Variants in HECW1 observed in about 807,000 individuals in gnomAD.
HECW1 encodes the protein E3 ubiquitin-protein ligase HECW1.
HECW1 carries 61 observed loss-of-function variants against 182.3 expected under a neutral mutation model. That is an observed-to-expected ratio of 0.33 (90% CI 0.27 to 0.41). The LOEUF is 0.41. Among genes scored for constraint, HECW1 ranks in the 10% least tolerant of loss-of-function variants. The pLI is 1.00. For missense variants in HECW1, 1,739 were observed against 2,108.9 expected, an observed-to-expected ratio of 0.82 and a Z score of 3.44; for synonymous variants, 859 against 832.6, an observed-to-expected ratio of 1.03 and a Z score of -0.55.
chr7:43,470,543 C>T (rs987514674), intron 16 of HECW1, among the ~76,000 whole-genome samples: 7 of 152,160 alleles, frequency 4.6e-5, no homozygotes, highest in Admixed American at 4.6e-4. Flanking sequence ...GGTCATCACA[C>T]CAGCAGGGAA....
intron 4 of HECW1, among the ~76,000 whole-genome samples, chr7:43,314,557 C>T (rs1197361057): frequency 3.9e-5 from 6 of 152,104 alleles, no homozygotes; most frequent in Admixed American, 2.6e-4. Context: ...TCAGGTATTA[C>T]GAAACTCCAT....
chr7:43,143,831 T>C (rs1467575092), intron 2 of HECW1, among the ~76,000 whole-genome samples: 2 of 152,158 alleles, frequency 1.3e-5, no homozygotes, highest in Non-Finnish European at 2.9e-5. Context: ...AAGACATTGA[T>C]TAAGTTAGAA....
chr7:43,300,342 CAGTT>C (rs940471377), intron 3 of HECW1, among the ~76,000 whole-genome samples: 4 of 152,098 alleles, frequency 2.6e-5, no homozygotes, highest in Non-Finnish European at 5.9e-5. Flanking sequence ...AACTGAGTGA[CAGTT>C]AGAGCTAGAA....
At chr7:43,518,370 C>T (rs1449864609) in intron 24 of HECW1, among the ~76,000 whole-genome samples, 2 of 152,024 alleles carry the variant, frequency 1.3e-5, no homozygotes, top group African/African-American at 4.8e-5. Context: ...GTGGCACATG[C>T]CTGTAATCCC....
intron 6 of HECW1, among the ~76,000 whole-genome samples, chr7:43,382,329 T>C (rs1227445560): frequency 2.0e-5 from 3 of 151,190 alleles, no homozygotes; most frequent in Non-Finnish European, 4.4e-5. Context: ...CAGAGGACTG[T>C]GGAAAGTGTG....
At chr7:43,416,132 G>C (rs963666580) in intron 8 of HECW1, among the ~76,000 whole-genome samples, 4 of 151,162 alleles carry the variant, frequency 2.6e-5, no homozygotes, top group African/African-American at 9.8e-5. Flanking sequence ...CAGTTTTTCT[G>C]TTCTGTTTTT....
chr7:43,445,504 G>A lies in HECW1; in HGVS notation c.2332G>A (p.Gly778Arg), dbSNP rs373326288. ...PWQDELAAPS[G>R]HVERSPEGLE... ...GCAAGACGAGCTGGCCGCCCCTAGC[G>A]GGCACGTGGAAAGAAGCCCGGAAGG... is the stretch of plus-strand genomic sequence containing the variant. The change falls in exon 11 of 30, where the codon GGG becomes AGG. Residue 778 changes from glycine to arginine, a missense_variant. Physicochemically the swap from Gly to Arg is moderately radical, Grantham distance 125. Transcript: ENST00000395891. 7.4e-6 allele frequency: 12 copies of A among 1,611,142 alleles called. No homozygotes were observed. Among genetic ancestry groups the A allele is most frequent in the East Asian group, 2.2e-5 (1 of 44,816 alleles).
intron 2 of HECW1, among the ~76,000 whole-genome samples, chr7:43,176,046 C>G (rs1386357945): frequency 6.6e-6 from 1 of 152,104 alleles, no homozygotes; most frequent in Non-Finnish European, 1.5e-5. Flanking sequence ...AAATGTTTAC[C>G]TATTTTGCAA....
Position 43,335,762 on chromosome 7 carries a change from TTTC to T in HECW1, c.460+15023_460+15025del, listed in dbSNP as rs1223386418. ...CTTCCTCCTTTCCTCTCTTTCTTTC[TTTC>T]TTTTTTCTTTCTTCCTTTCTTCCTT... On this transcript the variant is annotated intron_variant, in intron 5 of 29. Coordinates refer to ENST00000395891, the MANE Select transcript of HECW1 (RefSeq NM_015052.5). Among the ~76,000 whole-genome samples, 5 of 131,320 alleles carry T rather than the reference TTTC, an allele frequency of 3.8e-5. No homozygotes were observed. The South Asian group carries it at 1.0e-3, about 27-fold the overall frequency. The allele number at this position is 131,320 out of a possible 152,430, so 86.2% of individuals were successfully genotyped here.
At position 43,277,837 on chromosome 7, in the gene HECW1, A is replaced by G. The variant is rs117572560; in HGVS notation, c.27+33905A>G. On this transcript the variant is annotated intron_variant, in intron 3 of 29. Transcript: ENST00000395891. ...TTCCCCTGGCCCATTTTCAGCCCTC[A>G]TCTTCTGTGCTGGACACGGTTGACT... Among the ~76,000 whole-genome samples the G allele has an allele frequency of 1.7e-3, 262 of 152,248 alleles. 4 individuals are homozygous for G. The East Asian group carries it at 0.045, about 26-fold the overall frequency.
intron 2 of HECW1, among the ~76,000 whole-genome samples, chr7:43,190,564 C>T (rs956291376): frequency 5.3e-5 from 8 of 152,196 alleles, no homozygotes; most frequent in Admixed American, 1.3e-4. Context: ...AACTATTTCT[C>T]ATAATGTATT....
At chr7:43,263,330 G>A (rs1440266172) in intron 3 of HECW1, among the ~76,000 whole-genome samples, 1 of 152,134 alleles carries the variant, frequency 6.6e-6, no homozygotes, top group Non-Finnish European at 1.5e-5. Flanking sequence ...AACAAGCCAT[G>A]GAATTGCTAA....
intron 5 of HECW1, among the ~76,000 whole-genome samples, chr7:43,332,253 T>C (rs17723745): frequency 0.49 from 73,745 of 152,004 alleles, 18,192 homozygotes; most frequent in African/African-American, 0.56. Context: ...CCACTCTACA[T>C]ACAAAATGAA....
At position 43,186,031 on chromosome 7, in the gene HECW1, C is replaced by T. The variant is rs561917199; in HGVS notation, c.-31-57844C>T. On this transcript the variant is annotated intron_variant, in intron 2 of 29. Coordinates refer to ENST00000395891, the MANE Select transcript of HECW1 (RefSeq NM_015052.5). ...TGCAGGAGAGGATGGGCCTATACTA[C>T]TCAGTAGGTCCTGGATAACAGGTGG... Among the ~76,000 whole-genome samples the T allele has an allele frequency of 4.1e-4, 62 of 152,224 alleles. 1 individual carries two copies. Among genetic ancestry groups the T allele is most frequent in the Non-Finnish European group, 1.2e-4 (8 of 68,028 alleles).
intron 13 of HECW1, among the ~76,000 whole-genome samples, chr7:43,462,872 G>A (rs887539689): frequency 4.5e-4 from 69 of 152,300 alleles, no homozygotes; most frequent in African/African-American, 1.6e-3. Context: ...ACAAACCTTG[G>A]GAGTCTCCTC....
chr7:43,379,500 C>T (rs1484158098), intron 6 of HECW1, among the ~76,000 whole-genome samples: 1 of 152,178 alleles, frequency 6.6e-6, no homozygotes, highest in African/African-American at 2.4e-5. Context: ...CGCTCAATCA[C>T]TTCCATCCCA....
At chr7:43,544,233 A>G (rs564317505) in intron 26 of HECW1, among the ~76,000 whole-genome samples, 2 of 152,384 alleles carry the variant, frequency 1.3e-5, no homozygotes, top group African/African-American at 2.4e-5. Context: ...TGAAAGCAAC[A>G]TAATGTTTAA....
At chr7:43,195,044 G>A (rs1320645175) in intron 2 of HECW1, among the ~76,000 whole-genome samples, 2 of 152,068 alleles carry the variant, frequency 1.3e-5, no homozygotes, top group Non-Finnish European at 2.9e-5. Context: ...TTTAATGAGG[G>A]AGATTTTTTT....
intron 3 of HECW1, chr7:43,274,383 A>T (rs1395678598): frequency 7.8e-6 from 5 of 640,414 alleles, no homozygotes; most frequent in Middle Eastern, 4.1e-4. Context: ...CCCTGCGGGT[A>T]AAGAACTTCA....
Sources: gnomAD v4.1 joint callset for allele counts (sites outside exome capture counted in the v4.1 genomes callset) on GRCh38, gnomAD v4.1.1 for gene constraint, MANE v1.5 for transcripts, NCBI Gene and HGNC (gene_info 2026-07-23, HGNC 2026-07-21) for gene names.